Variants in GRB10 observed in about 807,000 individuals in gnomAD.
The protein encoded by GRB10 is growth factor receptor-bound protein 10.
GRB10 carries 20 observed loss-of-function variants against 80.9 expected under a neutral mutation model. The ratio of observed to expected loss-of-function variants is 0.25; its 90% CI spans 0.17 to 0.36. The LOEUF is 0.36. Ranked by LOEUF, GRB10 falls within the 10% of genes least tolerant of loss-of-function variation. The pLI, the probability that GRB10 is intolerant of heterozygous loss-of-function variation, is 1.00. For synonymous variants in GRB10, 291 were observed against 291.5 expected (o/e 1.00, Z 0.02); for missense variants, 548 against 747.7 (o/e 0.73, Z 3.12).
intron 3 of GRB10, among the ~76,000 whole-genome samples, chr7:50,752,288 A>C (rs964961900): frequency 1.3e-5 from 2 of 152,206 alleles, no homozygotes; most frequent in Admixed American, 6.5e-5. Flanking sequence ...CAAGTTACAG[A>C]AGCCAAAAGT....
intron 3 of GRB10, among the ~76,000 whole-genome samples, chr7:50,737,099 A>T (rs547617334): frequency 2.0e-5 from 3 of 152,348 alleles, no homozygotes; most frequent in South Asian, 4.1e-4. Context: ...TAAAGACAAC[A>T]CATAGAATGG....
chr7:50,667,554 T>TA (rs2059937684), intron 7 of GRB10, among the ~76,000 whole-genome samples: 1 of 151,638 alleles, frequency 6.6e-6, no homozygotes, highest in African/African-American at 2.4e-5. Context: ...GGGAAGTGGC[T>TA]GGAGGTTGTC....
chr7:50,679,779 C>CA (rs1401487036), intron 5 of GRB10, among the ~76,000 whole-genome samples: 1 of 152,166 alleles, frequency 6.6e-6, no homozygotes, highest in Non-Finnish European at 1.5e-5. Context: ...AACACATGTG[C>CA]AAAAGCCAAA....
At chr7:50,747,176 G>A (rs1448513902) in intron 3 of GRB10, among the ~76,000 whole-genome samples, 1 of 152,084 alleles carries the variant, frequency 6.6e-6, no homozygotes, top group Non-Finnish European at 1.5e-5. Flanking sequence ...AGTCATGGTC[G>A]CTGCTGGTGG....
chr7:50,771,521 A>T (rs1448496299), intron 2 of GRB10, among the ~76,000 whole-genome samples: 1 of 152,186 alleles, frequency 6.6e-6, no homozygotes, highest in African/African-American at 2.4e-5. Flanking sequence ...AGCCAGCAGG[A>T]CGGACTGCCC....
At chr7:50,714,010 T>G (rs2066420145) in intron 4 of GRB10, among the ~76,000 whole-genome samples, 1 of 147,978 alleles carries the variant, frequency 6.8e-6, no homozygotes, top group South Asian at 2.2e-4. Context: ...ACCTCCACAC[T>G]CTTCATTATC....
At chr7:50,745,739 A>G (rs1359219867) in intron 3 of GRB10, among the ~76,000 whole-genome samples, 2 of 152,244 alleles carry the variant, frequency 1.3e-5, no homozygotes, top group Non-Finnish European at 2.9e-5. Flanking sequence ...ATTCCAATCA[A>G]TATTAGATGG....
intron 7 of GRB10, chr7:50,645,495 A>G: frequency 1.8e-6 from 1 of 552,280 alleles, no homozygotes; most frequent in Non-Finnish European, 2.3e-6. Flanking sequence ...TTTGGGCACT[A>G]ACTCCTTTAA....
intron 3 of GRB10, among the ~76,000 whole-genome samples, chr7:50,753,916 T>C (rs2074593888): frequency 6.6e-6 from 1 of 152,198 alleles, no homozygotes; most frequent in Non-Finnish European, 1.5e-5. Context: ...TGGTGAGAGA[T>C]GGCTTTTTGC....
intron 1 of GRB10, among the ~76,000 whole-genome samples, chr7:50,790,452 TCAAA>T (rs2078863831): frequency 6.6e-6 from 1 of 152,256 alleles, no homozygotes; most frequent in Admixed American, 6.5e-5. Flanking sequence ...GACTGATTAC[TCAAA>T]TGAAAGACAA....
intron 7 of GRB10, among the ~76,000 whole-genome samples, chr7:50,664,312 A>C (rs1361067705): frequency 6.6e-6 from 1 of 152,170 alleles, no homozygotes; most frequent in East Asian, 1.9e-4. Flanking sequence ...TCAGCCTCTC[A>C]GAGCCTTCTG....
chr7:50,621,567 C>G (rs1201672319), intron 8 of GRB10, among the ~76,000 whole-genome samples: 1 of 152,218 alleles, frequency 6.6e-6, no homozygotes, highest in African/African-American at 2.4e-5. Context: ...ATGCTCCAGG[C>G]ACCAGTGTTC....
At chr7:50,598,239 C>T (rs964483369) in intron 17 of GRB10, among the ~76,000 whole-genome samples, 5 of 152,142 alleles carry the variant, frequency 3.3e-5, no homozygotes, top group Admixed American at 6.5e-5. Context: ...TGATCACACG[C>T]AATACAAGGT....
intron 3 of GRB10, among the ~76,000 whole-genome samples, chr7:50,752,375 T>C (rs879534682): frequency 1.3e-5 from 2 of 152,204 alleles, no homozygotes; most frequent in African/African-American, 2.4e-5. Flanking sequence ...GGAAAGGCTA[T>C]GGGACACCTT....
At chr7:50,714,143 C>T (rs1229671829) in intron 4 of GRB10, among the ~76,000 whole-genome samples, 2 of 152,154 alleles carry the variant, frequency 1.3e-5, no homozygotes, top group Non-Finnish European at 2.9e-5. Context: ...ACTATTCAGA[C>T]ACCAAAATAT....
chr7:50,761,219 G>C (rs76886379), intron 2 of GRB10, among the ~76,000 whole-genome samples: 1,868 of 152,300 alleles, frequency 0.012, 51 homozygotes, highest in African/African-American at 0.042. Flanking sequence ...ATGAATCCCT[G>C]CCACACGGTT....
chr7:50,747,881 G>A (rs1461535038), intron 3 of GRB10, among the ~76,000 whole-genome samples: 1 of 152,174 alleles, frequency 6.6e-6, no homozygotes, highest in Admixed American at 6.5e-5. Context: ...GGGAGATGAT[G>A]AATGGGCAGG....
Position 50,593,755 on chromosome 7 carries a change from C to T in GRB10, c.1639-657G>A, listed in dbSNP as rs151262734. On this transcript the variant is annotated intron_variant, in intron 18 of 18. Transcript: ENST00000401949. ...GTGCAAAACACTGCTGAAAGGAGGT[C>T]GTGTTGTTCACAGGGAATAGGTCAG... 3.6e-3 allele frequency among the ~76,000 whole-genome samples: 554 copies of T among 152,252 alleles called. 2 individuals carry two copies. Among genetic ancestry groups the T allele is most frequent in the African/African-American group, 0.013 (520 of 41,522 alleles).
rs756590740 is a variant in GRB10, at chr7:50,616,279, T to C, written c.915A>G (p.Lys305=). 1 of 1,614,208 alleles carries C rather than the reference T, an allele frequency of 6.2e-7. No homozygotes were observed. The highest frequency in any genetic ancestry group is 1.1e-5 in the South Asian group (1 of 91,086). The change falls in exon 11 of 19, where the codon AAA becomes AAG. Residue 305 remains lysine, a synonymous_variant. Coordinates refer to ENST00000401949, the MANE Select transcript of GRB10 (RefSeq NM_001350814.2). ...GFLHVKELGK[K]SWKKLYVCLR... is the part of the protein sequence containing the mutation. ...AACACACATACAGCTTTTTCCATGA[T>C]TTCTTTCCCAGCTCTTTCACATGCA...
Sources: allele counts gnomAD v4.1 joint callset (sites outside exome capture counted in the v4.1 genomes callset), GRCh38; gene constraint gnomAD v4.1.1; transcripts MANE v1.5; gene names NCBI Gene and HGNC (gene_info 2026-07-23, HGNC 2026-07-21).